The following FAAH2 variants were observed in gnomAD, a reference collection of about 807,000 sequenced individuals.
The protein encoded by FAAH2 is fatty acid amide hydrolase 2, also known as fatty-acid amide hydrolase 2.
Under a neutral mutation model 36.9 loss-of-function variants are expected in FAAH2, and 60 were observed. The ratio of observed to expected loss-of-function variants is 1.63; its 90% CI spans 1.32 to 2.02. FAAH2 has a LOEUF of 2.02. Ranked by LOEUF, FAAH2 falls within the 30% of genes most tolerant of loss-of-function variation. The pLI is 0.00. For synonymous variants in FAAH2, 214 were observed against 143.8 expected, an observed-to-expected ratio of 1.49 and a Z score of -3.49; for missense variants, 689 against 397.5, an observed-to-expected ratio of 1.73 and a Z score of -6.23.
the FAAH2 span, among the ~76,000 whole-genome samples, chrX:57,202,555 A>T: frequency 8.9e-6 from 1 of 111,806 alleles, no homozygotes; most frequent in African/African-American, 3.3e-5. Context: ...TTTCTTGGCC[A>T]CCACCATTAG....
At chrX:57,334,279 C>CACACACACAT (rs1216192650) in intron 4 of FAAH2, among the ~76,000 whole-genome samples, 1 of 107,822 alleles carries the variant, frequency 9.3e-6, no homozygotes, top group Non-Finnish European at 1.9e-5. Context: ...CACACACACA[C>CACACACACAT]ACACACACAC....
chrX:57,286,640 T>G, upstream of FAAH2: 1 of 375,552 alleles, frequency 2.7e-6, no homozygotes, highest in Non-Finnish European at 4.4e-6. Context: ...CTGGGAAGTC[T>G]CCGCCCCCAT....
chrX:57,437,179 C>A (rs1332909656), intron 8 of FAAH2, among the ~76,000 whole-genome samples: 2 of 111,071 alleles, frequency 1.8e-5, no homozygotes, highest in South Asian at 3.7e-4. Context: ...AATTTAGAAT[C>A]TTTTTATGAT....
intron 7 of FAAH2, chrX:57,394,009 C>G (rs2055230712): frequency 1.3e-6 from 1 of 753,479 alleles, no homozygotes; most frequent in African/African-American, 2.1e-5. Flanking sequence ...CTGATGGCAC[C>G]AAATGAGTAA....
intron 5 of FAAH2, among the ~76,000 whole-genome samples, chrX:57,351,663 TA>T (rs1239234820): frequency 1.8e-5 from 2 of 108,909 alleles, no homozygotes; most frequent in Non-Finnish European, 3.9e-5. Flanking sequence ...ACCACAGATA[TA>T]AAAAAAGATT....
the FAAH2 span, among the ~76,000 whole-genome samples, chrX:57,169,161 G>T: frequency 9.1e-6 from 1 of 109,647 alleles, no homozygotes; most frequent in Non-Finnish European, 1.9e-5. Flanking sequence ...TTATGAAGAC[G>T]TCAGTACTAT....
chrX:57,455,385 C>T (rs1038106278), intron 10 of FAAH2, among the ~76,000 whole-genome samples: 2 of 111,045 alleles, frequency 1.8e-5, no homozygotes, highest in Admixed American at 9.6e-5. Context: ...TATAAAGCAG[C>T]TATGCAGTCA....
chrX:57,345,517 C>CT (rs905046142), intron 5 of FAAH2, among the ~76,000 whole-genome samples: 12 of 109,320 alleles, frequency 1.1e-4, no homozygotes, highest in South Asian at 3.8e-4. Context: ...TTTATTTGGA[C>CT]TTTTTTTTTC....
chrX:57,237,606 T>A, the FAAH2 span, among the ~76,000 whole-genome samples: 1 of 111,041 alleles, frequency 9.0e-6, no homozygotes, highest in Non-Finnish European at 1.9e-5. Context: ...ATTTAAAAAA[T>A]TAACTCCTTT....
At chrX:57,417,329 G>A (rs778455515) in intron 7 of FAAH2, among the ~76,000 whole-genome samples, 16 of 111,906 alleles carry the variant, frequency 1.4e-4, no homozygotes, top group Admixed American at 1.4e-3. Context: ...GAATTTTCAG[G>A]CTCTTTGTGC....
the FAAH2 span, among the ~76,000 whole-genome samples, chrX:57,201,769 G>T: frequency 1.8e-5 from 2 of 111,280 alleles, no homozygotes; most frequent in Admixed American, 1.9e-4. Flanking sequence ...TATAAGACCA[G>T]TAACTCTTAG....
the FAAH2 span, among the ~76,000 whole-genome samples, chrX:57,207,486 G>GT: frequency 9.0e-5 from 10 of 111,673 alleles, no homozygotes; most frequent in Non-Finnish European, 1.7e-4. Flanking sequence ...CAGGTAGGAC[G>GT]TTTATCAGTA....
the FAAH2 span, among the ~76,000 whole-genome samples, chrX:57,153,738 A>G: frequency 6.2e-5 from 7 of 112,114 alleles, no homozygotes; most frequent in Admixed American, 5.6e-4. Flanking sequence ...ATTTTCTGTT[A>G]ATCTGTTTTC....
chrX:57,237,974 GTTA>G, the FAAH2 span, among the ~76,000 whole-genome samples: 10 of 111,596 alleles, frequency 9.0e-5, no homozygotes, highest in East Asian at 2.2e-3. Flanking sequence ...AGTTAGAATT[GTTA>G]TTATTAACAA....
intron 3 of FAAH2, among the ~76,000 whole-genome samples, chrX:57,323,501 C>T (rs1214156291): frequency 9.0e-6 from 1 of 111,297 alleles, no homozygotes; most frequent in African/African-American, 3.3e-5. Flanking sequence ...ACCTGTTGTT[C>T]CTGACTTTTT....
intron 10 of FAAH2, among the ~76,000 whole-genome samples, chrX:57,468,942 T>A (rs1037152389): frequency 8.9e-6 from 1 of 111,864 alleles, no homozygotes; most frequent in East Asian, 2.8e-4. Context: ...GGGGCCAATT[T>A]TCAACATTCT....
chrX:57,331,449 T>G (rs771647786), intron 3 of FAAH2, 149 bp from the exon 4 acceptor site: 1 of 454,255 alleles, frequency 2.2e-6, no homozygotes, highest in Admixed American at 4.0e-5. Context: ...TCTGAAGATC[T>G]GCTAGCAGTG....
At chrX:57,481,437 T>A (rs1169467040) in intron 10 of FAAH2, among the ~76,000 whole-genome samples, 1 of 111,795 alleles carries the variant, frequency 8.9e-6, no homozygotes, top group Admixed American at 9.4e-5. Context: ...GTGGGGTTCT[T>A]TATGTTGATG....
At chrX:57,183,643 C>T in the FAAH2 span, among the ~76,000 whole-genome samples, 4 of 111,460 alleles carry the variant, frequency 3.6e-5, no homozygotes, top group African/African-American at 1.3e-4. Flanking sequence ...ATCCTGTTAT[C>T]TTCATAAGCT....
Sources: gnomAD v4.1 joint callset for allele counts (sites outside exome capture counted in the v4.1 genomes callset) on GRCh38, gnomAD v4.1.1 for gene constraint, MANE v1.5 for transcripts, NCBI Gene and HGNC (gene_info 2026-07-23, HGNC 2026-07-21) for gene names.